Variants in RERE observed in about 807,000 individuals in gnomAD.
RERE encodes arginine-glutamic acid dipeptide repeats protein.
In RERE, 40 loss-of-function variants were observed where a neutral mutation model predicts 146.1. That is an observed-to-expected ratio of 0.27 (90% CI 0.21 to 0.36). The LOEUF (loss-of-function observed/expected upper bound fraction) is 0.36. RERE is among the 10% of genes least tolerant of loss of function. The pLI, the probability that RERE is intolerant of heterozygous loss-of-function variation, is 1.00. For missense variants in RERE, 1,933 were observed against 2,138.7 expected, an observed-to-expected ratio of 0.90 and a Z score of 1.90; for synonymous variants, 1,003 against 866.0, an observed-to-expected ratio of 1.16 and a Z score of -2.78.
At position 8,352,983 on chromosome 1, in the gene RERE, A is replaced by G. The variant is rs1641154616; in HGVS notation, c.*2104T>C. The stretch of plus-strand genomic sequence containing the variant: ...TGGTAGATGTTGTGTTCTACCAAAA[A>G]GAAAGAAAAACCAGAAGCCGAGAAG... On this transcript the variant is annotated 3_prime_UTR_variant, in exon 23 of 23. Coordinates refer to ENST00000400908, the MANE Select transcript of RERE (RefSeq NM_001042681.2). 6.6e-6 allele frequency: 1 copy of G among 152,566 alleles called. No homozygotes were observed. The highest frequency in any genetic ancestry group is 6.5e-5 in the Admixed American group (1 of 15,290). 9.5% of individuals were successfully genotyped at this position (152,566 alleles called of 1,614,324 possible).
intron 12 of RERE, among the ~76,000 whole-genome samples, chr1:8,406,089 T>C (rs1026941802): frequency 4.6e-5 from 7 of 151,782 alleles, no homozygotes; most frequent in Non-Finnish European, 1.0e-4. Context: ...AGTGAGTCAA[T>C]CCACCAGATT....
intron 1 of RERE, among the ~76,000 whole-genome samples, chr1:8,816,149 A>G (rs1172321081): frequency 6.6e-6 from 1 of 152,176 alleles, no homozygotes; most frequent in Non-Finnish European, 1.5e-5. Context: ...GCAATTATGA[A>G]AACTGTTTCA....
chr1:8,538,863 A>G (rs1317782402), intron 7 of RERE, among the ~76,000 whole-genome samples: 2 of 152,214 alleles, frequency 1.3e-5, no homozygotes, highest in African/African-American at 4.8e-5. Context: ...TGTGTTCCTT[A>G]TTGCATCCAT....
chr1:8,769,049 T>C (rs980364163), intron 1 of RERE, among the ~76,000 whole-genome samples: 4 of 152,196 alleles, frequency 2.6e-5, no homozygotes, highest in Non-Finnish European at 5.9e-5. Context: ...TAAAAGCATG[T>C]ATCCATGCTT....
intron 11 of RERE, among the ~76,000 whole-genome samples, chr1:8,458,568 CGCAT>C (rs1417452128): frequency 1.3e-5 from 2 of 150,626 alleles, no homozygotes; most frequent in Non-Finnish European, 3.0e-5. Flanking sequence ...CAGACGTGTG[CGCAT>C]GCGCGCACAC....
chr1:8,414,264 C>A (rs182205020), intron 12 of RERE, among the ~76,000 whole-genome samples: 1 of 151,626 alleles, frequency 6.6e-6, no homozygotes, highest in Non-Finnish European at 1.5e-5. Flanking sequence ...TTTCAATAGT[C>A]GGCCGGGCGT....
chr1:8,477,780 A>C (rs560517706), intron 10 of RERE, among the ~76,000 whole-genome samples: 1 of 152,340 alleles, frequency 6.6e-6, no homozygotes, highest in East Asian at 1.9e-4. Context: ...TCTGAATCTC[A>C]GTGCTTTGTG....
intron 2 of RERE, among the ~76,000 whole-genome samples, chr1:8,626,626 G>A (rs1018251211): frequency 2.6e-5 from 4 of 152,020 alleles, no homozygotes; most frequent in Admixed American, 6.6e-5. Context: ...CAGAGATAAC[G>A]TCCCCTCTGG....
chr1:8,538,762 T>C (rs1048084212), intron 7 of RERE, among the ~76,000 whole-genome samples: 10 of 152,120 alleles, frequency 6.6e-5, no homozygotes, highest in African/African-American at 2.4e-4. Flanking sequence ...GGAACACAAG[T>C]GTAGAAGAAA....
intron 4 of RERE, among the ~76,000 whole-genome samples, chr1:8,585,483 A>C (rs1646416716): frequency 6.6e-6 from 1 of 152,202 alleles, no homozygotes; most frequent in African/African-American, 2.4e-5. Context: ...CTCTCACTAA[A>C]AGAAACCAGG....
At chr1:8,697,315 A>AG (rs1180534781) in intron 1 of RERE, among the ~76,000 whole-genome samples, 4 of 152,180 alleles carry the variant, frequency 2.6e-5, no homozygotes, top group African/African-American at 7.2e-5. Flanking sequence ...ATCTAGATAT[A>AG]GGTTTTTCTG....
intron 1 of RERE, among the ~76,000 whole-genome samples, chr1:8,749,520 G>A (rs1271753844): frequency 2.6e-5 from 4 of 151,898 alleles, no homozygotes; most frequent in Non-Finnish European, 5.9e-5. Context: ...ATTGAAATGC[G>A]ATCTAAATTA....
rs557477771 is a variant in RERE at position 8,710,757 on chromosome 1, C to T, written c.-144-54316G>A. Among the ~76,000 whole-genome samples, 7 of 152,246 alleles carry T rather than the reference C, an allele frequency of 4.6e-5. No individual in the cohort carries two copies. The South Asian group carries it at 1.0e-3, about 23-fold the overall frequency. Reference sequence around the variant, plus strand: ...GTCTCAATCTCCTGACCTCTTGATCCGCCTGCCTCAGCCTCCCAAAGTGCT... The same window carrying T: ...GTCTCAATCTCCTGACCTCTTGATCTGCCTGCCTCAGCCTCCCAAAGTGCT... On this transcript the variant is annotated intron_variant, in intron 1 of 22. Coordinates refer to ENST00000400908, the MANE Select transcript of RERE (RefSeq NM_001042681.2).
In RERE at chr1:8,552,032, T is replaced by C. The variant is rs370633367; in HGVS notation, c.725+4443A>G. ...TACCTTGAAAGGTAGAGATAAGGGA[T>C]AGCTAAGGTCAAGAATTCAAAACTA... On this transcript the variant is annotated intron_variant, in intron 6 of 22. Coordinates refer to ENST00000400908, the MANE Select transcript of RERE (RefSeq NM_001042681.2). Among the ~76,000 whole-genome samples the C allele has an allele frequency of 9.8e-5, 15 of 152,354 alleles. No homozygotes were observed. The South Asian group carries it at 2.1e-3, about 21-fold the overall frequency.
chr1:8,717,972 T>C (rs999106529), intron 1 of RERE, among the ~76,000 whole-genome samples: 3 of 152,188 alleles, frequency 2.0e-5, no homozygotes, highest in Admixed American at 6.5e-5. Flanking sequence ...TACAGGAGAA[T>C]AGTACCAGGC....
At chr1:8,785,735 C>CCT (rs1641248247) in intron 1 of RERE, among the ~76,000 whole-genome samples, 1 of 152,164 alleles carries the variant, frequency 6.6e-6, no homozygotes, top group Non-Finnish European at 1.5e-5. Flanking sequence ...AATTCTCCTG[C>CCT]CTCAGCCTCC....
chr1:8,611,626 G>T (rs1646794589), intron 4 of RERE, among the ~76,000 whole-genome samples: 1 of 152,186 alleles, frequency 6.6e-6, no homozygotes. Context: ...AAAAGACATG[G>T]CTAAAAGAAT....
intron 11 of RERE, among the ~76,000 whole-genome samples, chr1:8,445,618 C>G (rs564550456): frequency 6.6e-6 from 1 of 152,162 alleles, no homozygotes; most frequent in East Asian, 1.9e-4. Flanking sequence ...TGGTTCTGAA[C>G]CAACTGCAGA....
intron 12 of RERE, among the ~76,000 whole-genome samples, chr1:8,368,124 G>T (rs1439733089): frequency 1.3e-5 from 2 of 152,188 alleles, no homozygotes; most frequent in East Asian, 3.9e-4. Flanking sequence ...ACTCACAGTG[G>T]TTCCTTCTAC....
Sources: gnomAD v4.1 joint callset for allele counts (sites outside exome capture counted in the v4.1 genomes callset) on GRCh38, gnomAD v4.1.1 for gene constraint, MANE v1.5 for transcripts, NCBI Gene and HGNC (gene_info 2026-07-23, HGNC 2026-07-21) for gene names.